NTM: variants seen among roughly 807,000 people sequenced by gnomAD.
The protein encoded by NTM is IgLON family member 2.
A neutral mutation model predicts 42.1 loss-of-function variants in NTM; 13 were observed. The observed-to-expected ratio is 0.31, with a 90% CI of 0.20 to 0.49. NTM has a LOEUF of 0.49. NTM is among the 20% of genes least tolerant of loss of function. The pLI, the probability that NTM is intolerant of heterozygous loss-of-function variation, is 0.99. For synonymous variants in NTM, 187 were observed against 179.2 expected, an observed-to-expected ratio of 1.04 and a Z score of -0.35; for missense variants, 373 against 452.8, an observed-to-expected ratio of 0.82 and a Z score of 1.60.
intron 1 of NTM, among the ~76,000 whole-genome samples, chr11:131,655,223 T>C (rs1402603063): frequency 6.6e-6 from 1 of 152,222 alleles, no homozygotes; most frequent in African/African-American, 2.4e-5. Context: ...GAAGTCATTC[T>C]TGTGTGCAGA....
At chr11:132,085,328 T>C (rs1474426485) in intron 2 of NTM, among the ~76,000 whole-genome samples, 1 of 152,218 alleles carries the variant, frequency 6.6e-6, no homozygotes, top group Non-Finnish European at 1.5e-5. Context: ...ATTGTTTTAA[T>C]TATGCAGTAG....
At chr11:132,334,198 G>A (rs1008020638) in intron 8 of NTM, among the ~76,000 whole-genome samples, 9 of 152,238 alleles carry the variant, frequency 5.9e-5, no homozygotes, top group African/African-American at 2.2e-4. Flanking sequence ...GGCCGAGGTA[G>A]CCAGAAAACG....
chr11:131,850,841 C>T (rs1158198980), intron 1 of NTM, among the ~76,000 whole-genome samples: 1 of 152,154 alleles, frequency 6.6e-6, no homozygotes, highest in Non-Finnish European at 1.5e-5. Context: ...AGGGCACTGA[C>T]CCATAGGATT....
intron 2 of NTM, among the ~76,000 whole-genome samples, chr11:132,037,745 T>G (rs901217632): frequency 2.6e-5 from 4 of 152,256 alleles, no homozygotes; most frequent in Non-Finnish European, 5.9e-5. Context: ...AACACCTTGC[T>G]GATTTAATTA....
intron 1 of NTM, chr11:131,533,709 G>A (rs933162628): frequency 5.9e-5 from 9 of 152,206 alleles, no homozygotes; most frequent in African/African-American, 2.2e-4. Flanking sequence ...TACATGCATA[G>A]TCAATCTGCC....
intron 1 of NTM, among the ~76,000 whole-genome samples, chr11:131,483,761 T>C (rs552867869): frequency 6.6e-6 from 1 of 152,332 alleles, no homozygotes; most frequent in African/African-American, 2.4e-5. Context: ...CCTCTGCCCC[T>C]GCCTAGGCTC....
intron 1 of NTM, among the ~76,000 whole-genome samples, chr11:131,565,437 G>A (rs2056772696): frequency 6.6e-6 from 1 of 152,208 alleles, no homozygotes; most frequent in African/African-American, 2.4e-5. Context: ...CTCCCAGGCG[G>A]TGAGAGCGGG....
chr11:132,071,745 A>T (rs187193290), intron 2 of NTM, among the ~76,000 whole-genome samples: 59 of 152,140 alleles, frequency 3.9e-4, no homozygotes, highest in Non-Finnish European at 6.2e-4. Flanking sequence ...AGAGAGAAAG[A>T]ACATTTTTTT....
At chr11:132,248,451 G>A (rs2091511930) in intron 4 of NTM, among the ~76,000 whole-genome samples, 1 of 151,376 alleles carries the variant, frequency 6.6e-6, no homozygotes, top group Non-Finnish European at 1.5e-5. Context: ...TATTTAAAAT[G>A]GCCTTTCATC....
intron 4 of NTM, among the ~76,000 whole-genome samples, chr11:132,263,396 T>G (rs2139574333): frequency 6.6e-6 from 1 of 152,326 alleles, no homozygotes; most frequent in East Asian, 1.9e-4. Context: ...CAGACAACCT[T>G]CCTTCCTTCT....
At chr11:132,049,369 C>A (rs776095755) in intron 2 of NTM, among the ~76,000 whole-genome samples, 9 of 152,166 alleles carry the variant, frequency 5.9e-5, no homozygotes, top group Non-Finnish European at 1.0e-4. Context: ...TGCTATGGGG[C>A]TGGCCGCACC....
intron 1 of NTM, among the ~76,000 whole-genome samples, chr11:131,910,460 GCCCGCGC>G (rs772413977): frequency 3.3e-4 from 50 of 150,996 alleles, no homozygotes; most frequent in Admixed American, 1.8e-3. Context: ...TAAGGTGGGC[GCCCGCGC>G]CCCGCGCCCC....
chr11:131,787,108 C>G (rs10750490), intron 1 of NTM, among the ~76,000 whole-genome samples: 1 of 152,026 alleles, frequency 6.6e-6, no homozygotes, highest in African/African-American at 2.4e-5. Flanking sequence ...ACAGATTACT[C>G]TTTAAAGTTC....
rs573960048 is a variant in NTM, at chr11:131,762,222, A to G, written c.83-149342A>G. ...TGAAGGAAATGGACACTCTTTGCCT[A>G]GGTTCCCATGTGGCTCAATAGAAAA... On this transcript the variant is annotated intron_variant, in intron 1 of 8. Coordinates refer to ENST00000683400, the MANE Select transcript of NTM (RefSeq NM_001352005.2). 7.9e-5 allele frequency among the ~76,000 whole-genome samples: 12 copies of G among 152,350 alleles called. No homozygotes were observed. In the East Asian group the frequency reaches 2.1e-3, roughly 27 times the overall value.
At chr11:132,283,700 C>A (rs565680874) in intron 4 of NTM, among the ~76,000 whole-genome samples, 2 of 152,306 alleles carry the variant, frequency 1.3e-5, no homozygotes, top group Admixed American at 6.5e-5. Context: ...CTTCATAGCA[C>A]CCTGTTCTAA....
At chr11:132,321,589 G>C (rs2095569789) in intron 7 of NTM, among the ~76,000 whole-genome samples, 1 of 152,214 alleles carries the variant, frequency 6.6e-6, no homozygotes, top group South Asian at 2.1e-4. Flanking sequence ...ATGGAACCAA[G>C]TTGGAAAACA....
At chr11:131,895,474 C>T (rs2137590679) in intron 1 of NTM, among the ~76,000 whole-genome samples, 1 of 152,230 alleles carries the variant, frequency 6.6e-6, no homozygotes, top group East Asian at 1.9e-4. Flanking sequence ...TTGTTGAACT[C>T]ACACTCAGGG....
At chr11:132,271,406 T>C (rs1565352504) in intron 4 of NTM, among the ~76,000 whole-genome samples, 1 of 152,186 alleles carries the variant, frequency 6.6e-6, no homozygotes, top group Non-Finnish European at 1.5e-5. Context: ...TCTCTTGGTT[T>C]TATACCTAGG....
intron 3 of NTM, among the ~76,000 whole-genome samples, chr11:132,196,209 G>A (rs1045439817): frequency 1.3e-5 from 2 of 152,150 alleles, no homozygotes; most frequent in South Asian, 4.1e-4. Context: ...GCTCATGATC[G>A]CTAATTGTTA....
Sources: allele counts gnomAD v4.1 joint callset (sites outside exome capture counted in the v4.1 genomes callset), GRCh38; gene constraint gnomAD v4.1.1; transcripts MANE v1.5; gene names NCBI Gene and HGNC (gene_info 2026-07-23, HGNC 2026-07-21).